The following GRIN2A variants were observed in gnomAD, a reference collection of about 807,000 sequenced individuals.
GRIN2A encodes glutamate ionotropic receptor NMDA type subunit 2A, also known as glutamate receptor ionotropic, NMDA 2A.
GRIN2A carries 22 observed loss-of-function variants against 113.4 expected under a neutral mutation model. The ratio of observed to expected loss-of-function variants is 0.19; its 90% CI spans 0.14 to 0.28. The LOEUF (loss-of-function observed/expected upper bound fraction) is 0.28, where lower values mean the gene tolerates loss of function less well. Among genes scored for constraint, GRIN2A ranks in the 10% least tolerant of loss-of-function variants. GRIN2A has a pLI of 1.00. For synonymous variants in GRIN2A, 827 were observed against 738.4 expected (o/e 1.12, Z -1.94); for missense variants, 1,502 against 1,887.0 (o/e 0.80, Z 3.78).
chr16:9,984,929 T>C (rs1270246999), intron 2 of GRIN2A, among the ~76,000 whole-genome samples: 2 of 152,132 alleles, frequency 1.3e-5, no homozygotes, highest in Non-Finnish European at 2.9e-5. Flanking sequence ...ATTTCCCTAA[T>C]AAACGTATCT....
chr16:9,910,553 T>G (rs2141548603), intron 3 of GRIN2A, among the ~76,000 whole-genome samples: 1 of 150,166 alleles, frequency 6.7e-6, no homozygotes, highest in South Asian at 2.1e-4. Context: ...TTTTTTTTTT[T>G]TTTTGAGACG....
chr16:9,880,686 C>T (rs2043461198), intron 4 of GRIN2A, among the ~76,000 whole-genome samples: 1 of 152,218 alleles, frequency 6.6e-6, no homozygotes, highest in Non-Finnish European at 1.5e-5. Context: ...AACTCTTCTC[C>T]AGATGGGCCT....
intron 12 of GRIN2A, among the ~76,000 whole-genome samples, chr16:9,768,173 G>C (rs1901035206): frequency 6.6e-6 from 1 of 152,112 alleles, no homozygotes; most frequent in East Asian, 1.9e-4. Flanking sequence ...CCATTCTCCT[G>C]CCTCAGCCTC....
At chr16:10,164,423 C>T (rs570088194) in intron 2 of GRIN2A, among the ~76,000 whole-genome samples, 1 of 152,222 alleles carries the variant, frequency 6.6e-6, no homozygotes, top group Non-Finnish European at 1.5e-5. Flanking sequence ...GAGAAAGGAA[C>T]AAACAAGGGC....
At chr16:9,918,597 T>C (rs991498100) in intron 3 of GRIN2A, among the ~76,000 whole-genome samples, 3 of 152,168 alleles carry the variant, frequency 2.0e-5, no homozygotes, top group Non-Finnish European at 4.4e-5. Context: ...GACTAACATA[T>C]ACGAAGCACA....
chr16:9,900,558 T>C (rs2043901951), intron 3 of GRIN2A, among the ~76,000 whole-genome samples: 1 of 152,236 alleles, frequency 6.6e-6, no homozygotes, highest in South Asian at 2.1e-4. Context: ...CCTGAAACTT[T>C]GACCCAACTG....
intron 2 of GRIN2A, among the ~76,000 whole-genome samples, chr16:10,092,209 T>C (rs35959454): frequency 0.088 from 13,328 of 152,244 alleles, 624 homozygotes; most frequent in Middle Eastern, 0.11. Flanking sequence ...ACCCAAACAA[T>C]ATTTAGGAAT....
intron 3 of GRIN2A, among the ~76,000 whole-genome samples, chr16:9,896,241 G>A (rs2043803957): frequency 6.6e-6 from 1 of 152,086 alleles, no homozygotes; most frequent in Non-Finnish European, 1.5e-5. Context: ...GTAGAGACAG[G>A]GTTGCACCAT....
intron 10 of GRIN2A, among the ~76,000 whole-genome samples, chr16:9,810,616 A>G (rs1036104998): frequency 2.0e-5 from 3 of 152,156 alleles, no homozygotes; most frequent in Non-Finnish European, 4.4e-5. Context: ...ATGCAGCCAC[A>G]AGCCAAGAAA....
rs758378272 is a variant in GRIN2A at position 9,840,669 on chromosome 16, G to A, written c.1629C>T (p.Thr543=). The change falls in exon 7 of 13, where the codon ACC becomes ACT. Residue 543 remains threonine, a synonymous_variant. Coordinates refer to ENST00000330684, the MANE Select transcript of GRIN2A (RefSeq NM_001134407.3). ...ISVMVSRSNG[T]VSPSAFLEPF... is the part of the protein sequence containing the mutation. ...CACCTAGAAAAGCAGAAGGTGAGAC[G>A]GTGCCATTACTTCTTGAAACCATGA... 4.3e-5 allele frequency: 70 copies of A among 1,613,460 alleles called. No individual in the cohort carries two copies. In the Admixed American group the frequency reaches 7.0e-4, roughly 16 times the overall value.
chr16:10,057,817 T>G (rs917656835), intron 2 of GRIN2A, among the ~76,000 whole-genome samples: 2 of 152,174 alleles, frequency 1.3e-5, no homozygotes, highest in African/African-American at 4.8e-5. Context: ...GGGATACCTA[T>G]TTTTAGCGTG....
intron 2 of GRIN2A, among the ~76,000 whole-genome samples, chr16:10,104,373 G>C (rs1343299451): frequency 5.3e-5 from 8 of 152,164 alleles, no homozygotes; most frequent in African/African-American, 1.9e-4. Flanking sequence ...GTTGAGCCTG[G>C]GCATCTGGGA....
intron 10 of GRIN2A, among the ~76,000 whole-genome samples, chr16:9,819,612 T>C (rs1033535069): frequency 6.6e-6 from 1 of 152,064 alleles, no homozygotes; most frequent in Non-Finnish European, 1.5e-5. Context: ...AAATTAAATC[T>C]CCAGTAATGA....
intron 2 of GRIN2A, among the ~76,000 whole-genome samples, chr16:10,113,655 A>C (rs1596520494): frequency 1.3e-5 from 2 of 152,346 alleles, no homozygotes; most frequent in Admixed American, 1.3e-4. Context: ...TGCATGTATA[A>C]ATTGTGTGCA....
At chr16:10,113,451 C>T (rs1169124312) in intron 2 of GRIN2A, among the ~76,000 whole-genome samples, 4 of 152,196 alleles carry the variant, frequency 2.6e-5, no homozygotes, top group East Asian at 1.9e-4. Context: ...TGCTCATGGC[C>T]GCCTGCCCAT....
intron 3 of GRIN2A, among the ~76,000 whole-genome samples, chr16:9,904,662 C>T (rs1249084950): frequency 6.6e-6 from 1 of 152,138 alleles, no homozygotes; most frequent in African/African-American, 2.4e-5. Flanking sequence ...GGTGAGCCAC[C>T]GTGCCTGGCT....
chr16:10,021,808 A>G (rs1030619649), intron 2 of GRIN2A, among the ~76,000 whole-genome samples: 2 of 151,934 alleles, frequency 1.3e-5, no homozygotes, highest in African/African-American at 4.8e-5. Flanking sequence ...GTCAATGTCC[A>G]TCAAGCCCGT....
chr16:9,992,026 A>C (rs2729592), intron 2 of GRIN2A, among the ~76,000 whole-genome samples: 151,548 of 152,240 alleles, frequency 1, 75,465 homozygotes, highest in Middle Eastern at 1. Context: ...ATGTAACAAA[A>C]CTGCACGTTC....
chr16:9,875,639 G>C (rs1156465653), intron 4 of GRIN2A, among the ~76,000 whole-genome samples: 1 of 152,212 alleles, frequency 6.6e-6, no homozygotes, highest in African/African-American at 2.4e-5. Flanking sequence ...GGCCCAGACA[G>C]CAGCCACTGA....
Sources: allele counts gnomAD v4.1 joint callset (sites outside exome capture counted in the v4.1 genomes callset), GRCh38; gene constraint gnomAD v4.1.1; transcripts MANE v1.5; gene names NCBI Gene and HGNC (gene_info 2026-07-23, HGNC 2026-07-21).